Variants in ADGRG6 observed in about 807,000 individuals in gnomAD.
The protein encoded by ADGRG6 is G-protein coupled receptor 126.
Under a neutral mutation model 142.4 loss-of-function variants are expected in ADGRG6, and 84 were observed. That is an observed-to-expected ratio of 0.59 (90% CI 0.49 to 0.71). The LOEUF (loss-of-function observed/expected upper bound fraction) is 0.71, where lower values mean the gene tolerates loss of function less well. Among genes scored for constraint, ADGRG6 ranks in the 30% least tolerant of loss-of-function variants. The pLI is 0.00. For synonymous variants in ADGRG6, 521 were observed against 520.5 expected, an observed-to-expected ratio of 1.00 and a Z score of -0.01; for missense variants, 1,367 against 1,466.6, an observed-to-expected ratio of 0.93 and a Z score of 1.11.
intron 2 of ADGRG6, among the ~76,000 whole-genome samples, chr6:142,332,492 CT>C (rs11314004): frequency 0.29 from 40,882 of 141,526 alleles, 5,458 homozygotes; most frequent in East Asian, 0.34. Flanking sequence ...ATGTTTTTTG[CT>C]TTTTTTTTTT....
In ADGRG6 at chr6:142,370,189, T is replaced by A; in HGVS notation, c.465T>A (p.Asn155Lys). 6.2e-7 allele frequency: 1 copy of A among 1,603,704 alleles called. No individual in the cohort carries two copies. The highest frequency in any genetic ancestry group is 8.5e-7 in the Non-Finnish European group (1 of 1,171,452). The change falls in exon 4 of 25, where the codon AAT (asparagine) becomes AAA (lysine). Residue 155 changes from asparagine to lysine, a missense_variant. Coordinates refer to ENST00000367609, the MANE Select transcript of ADGRG6 (RefSeq NM_198569.3). Reference protein sequence around the residue: ...SYIRVAVSLRNQKVILPQTSD... With the variant: ...SYIRVAVSLRKQKVILPQTSD... The stretch of plus-strand genomic sequence containing the variant: ...TCCTAGTTGCCGTGTCCTTAAGGAA[T>A]CAAAAGGTCATTTTACCCCAGACAT...
intron 1 of ADGRG6, among the ~76,000 whole-genome samples, chr6:142,302,890 C>A (rs766830459): frequency 1.3e-5 from 2 of 152,082 alleles, no homozygotes; most frequent in Non-Finnish European, 2.9e-5. Context: ...TTAAGGGTTA[C>A]GCCACGTTAC....
chr6:142,338,754 C>A (rs1308330271), intron 2 of ADGRG6, among the ~76,000 whole-genome samples: 1 of 151,958 alleles, frequency 6.6e-6, no homozygotes, highest in African/African-American at 2.4e-5. Context: ...AAGTATAATT[C>A]TTAATTTCAT....
At chr6:142,309,509 T>C in intron 1 of ADGRG6, 35 bp from the exon 2 acceptor site, 2 of 1,424,640 alleles carry the variant, frequency 1.4e-6, no homozygotes, top group Non-Finnish European at 2.0e-6. Flanking sequence ...TTACTGAATG[T>C]TGAATGTCCT....
At chr6:142,340,017 A>G (rs1351299867) in intron 2 of ADGRG6, among the ~76,000 whole-genome samples, 1 of 152,180 alleles carries the variant, frequency 6.6e-6, no homozygotes, top group East Asian at 1.9e-4. Flanking sequence ...GAAATTAGAT[A>G]GGGCTAAGCT....
Position 142,419,821 on chromosome 6 carries a change from C to A in ADGRG6, c.3036C>A (p.Phe1012Leu). Reference sequence around the variant, plus strand: ...TCTTTCTCATTTCTTCTTTTTTAAGCTGTTGGATTCAAGATCCAGTCATAT... The same window carrying A: ...TCTTTCTCATTTCTTCTTTTTTAAGATGTTGGATTCAAGATCCAGTCATAT... ...ESYGKEKGDE[F>L]CWIQDPVIFY... The change falls in exon 22 of 25, where the codon TTC becomes TTA. Residue 1012 changes from phenylalanine (F) to leucine (L), a missense_variant and splice_region_variant. Transcript: ENST00000367609. The A allele has an allele frequency of 6.3e-7, 1 of 1,593,828 alleles. No homozygotes were observed. Among genetic ancestry groups the A allele is most frequent in the Non-Finnish European group, 8.6e-7 (1 of 1,168,640 alleles).
intron 22 of ADGRG6, among the ~76,000 whole-genome samples, chr6:142,431,524 G>T (rs1295565679): frequency 6.6e-6 from 1 of 152,088 alleles, no homozygotes. Context: ...GTACTATGAA[G>T]AATAAAACCT....
At chr6:142,380,628 A>G (rs1781727478) in intron 4 of ADGRG6, among the ~76,000 whole-genome samples, 1 of 152,214 alleles carries the variant, frequency 6.6e-6, no homozygotes, top group Non-Finnish European at 1.5e-5. Flanking sequence ...TCTGTCTGCC[A>G]GTAAAATACC....
At chr6:142,407,241 T>C (rs1314895258) in intron 15 of ADGRG6, among the ~76,000 whole-genome samples, 1 of 150,300 alleles carries the variant, frequency 6.7e-6, no homozygotes, top group Non-Finnish European at 1.5e-5. Flanking sequence ...ATGAAAAAAC[T>C]TTAAAGGTTC....
At position 142,443,788 on chromosome 6, in the gene ADGRG6, T is replaced by A; in HGVS notation, c.*273T>A. On this transcript the variant is annotated 3_prime_UTR_variant, in exon 25 of 25. Coordinates refer to ENST00000367609, the MANE Select transcript of ADGRG6 (RefSeq NM_198569.3). ...TGTAAAATATATAATTGAATCAGAG[T>A]AATCATAATGCAGGGGAGACATTCA... 3.8e-6 allele frequency: 1 copy of A among 262,496 alleles called. No homozygotes were observed. Among genetic ancestry groups the A allele is most frequent in the Non-Finnish European group, 7.2e-6 (1 of 139,580 alleles). 16.3% of individuals were successfully genotyped at this position (262,496 alleles called of 1,614,324 possible). A position where few individuals can be genotyped will look rare whatever the true frequency, so the allele number is the denominator to read the frequency against.
chr6:142,325,946 A>C (rs1037406791), intron 2 of ADGRG6, among the ~76,000 whole-genome samples: 1 of 152,050 alleles, frequency 6.6e-6, no homozygotes, highest in Admixed American at 6.6e-5. Flanking sequence ...ATTTAAAACT[A>C]TGTAAGGTAG....
At chr6:142,364,837 C>T (rs1780874390) in intron 2 of ADGRG6, among the ~76,000 whole-genome samples, 1 of 152,080 alleles carries the variant, frequency 6.6e-6, no homozygotes, top group African/African-American at 2.4e-5. Context: ...TACACTCCAG[C>T]CTGGGTGACA....
At position 142,434,304 on chromosome 6, in the gene ADGRG6, C is replaced by T. The variant is rs1483222936; in HGVS notation, c.3320-3130C>T. On this transcript the variant is annotated intron_variant, in intron 22 of 24. Coordinates refer to ENST00000367609, the MANE Select transcript of ADGRG6 (RefSeq NM_198569.3). Reference sequence around the variant, plus strand: ...TGCCTTATTCATACCTCTCAGAGATCAACATATTTAAATTTCCCAGAATTT... The same window carrying T: ...TGCCTTATTCATACCTCTCAGAGATTAACATATTTAAATTTCCCAGAATTT... Among the ~76,000 whole-genome samples, 2 of 151,004 alleles carry T rather than the reference C, an allele frequency of 1.3e-5. 1 individual carries two copies. The highest frequency in any genetic ancestry group is 4.2e-4 in the South Asian group (2 of 4,808).
At chr6:142,361,865 C>T (rs187231423) in intron 2 of ADGRG6, among the ~76,000 whole-genome samples, 3 of 151,490 alleles carry the variant, frequency 2.0e-5, no homozygotes, top group Non-Finnish European at 4.4e-5. Context: ...AGAATAGTTT[C>T]CCACGAAAAT....
intron 2 of ADGRG6, among the ~76,000 whole-genome samples, chr6:142,322,696 T>C (rs1422461624): frequency 6.6e-6 from 1 of 152,120 alleles, no homozygotes; most frequent in Non-Finnish European, 1.5e-5. Context: ...GTCACCATAA[T>C]AAAAAGTAGA....
chr6:142,397,658 TA>T lies in ADGRG6; in HGVS notation c.1472del (p.Asn491IlefsTer12). On this transcript the variant is annotated frameshift_variant, in exon 10 of 25. Transcript: ENST00000367609. LOFTEE classifies it high-confidence loss of function. ...TAGTTTACAATGCTACCAACAATAC[TA>T]ATTTGGAAGGAAAAATCATTCAGCA... ...LLVYNATNNT[N>X]LEGKIIQQKL... is the part of the protein sequence containing the mutation. The T allele has an allele frequency of 2.5e-6, 4 of 1,609,064 alleles. No individual in the cohort carries two copies. The highest frequency in any genetic ancestry group is 3.4e-6 in the Non-Finnish European group (4 of 1,176,658).
intron 2 of ADGRG6, among the ~76,000 whole-genome samples, chr6:142,314,990 G>GTT (rs1777962091): frequency 6.6e-6 from 1 of 151,752 alleles, no homozygotes; most frequent in Non-Finnish European, 1.5e-5. Flanking sequence ...GTGTGTGTGT[G>GTT]TGTGTGTGTG....
At chr6:142,420,157 C>G in intron 22 of ADGRG6, 53 bp downstream of exon 22, 6 of 1,400,058 alleles carry the variant, frequency 4.3e-6, no homozygotes, top group Non-Finnish European at 5.0e-6. Context: ...GTCATATTTG[C>G]AAGCAGCTTC....
intron 23 of ADGRG6, 57 bp downstream of exon 23, chr6:142,437,592 C>A: frequency 1.2e-6 from 1 of 859,060 alleles, no homozygotes. Context: ...GTTTGTCATT[C>A]AGTCTTTCAT....
Sources: allele counts gnomAD v4.1 joint callset (sites outside exome capture counted in the v4.1 genomes callset), GRCh38; gene constraint gnomAD v4.1.1; transcripts MANE v1.5; gene names NCBI Gene and HGNC (gene_info 2026-07-23, HGNC 2026-07-21).